KCNAB1: variants seen among roughly 807,000 people sequenced by gnomAD.
KCNAB1 encodes the protein potassium voltage-gated channel subfamily A regulatory beta subunit 1.
Under a neutral mutation model 64.6 loss-of-function variants are expected in KCNAB1, and 35 were observed. That is an observed-to-expected ratio of 0.54 (90% CI 0.41 to 0.72). KCNAB1 has a LOEUF of 0.72. Among genes scored for constraint, KCNAB1 ranks in the 30% least tolerant of loss-of-function variants. The pLI, the probability that KCNAB1 is intolerant of heterozygous loss-of-function variation, is 0.00. For synonymous variants in KCNAB1, 177 were observed against 183.8 expected (o/e 0.96, Z 0.30); for missense variants, 401 against 512.9 (o/e 0.78, Z 2.11).
chr3:156,182,404 C>T (rs1199684153), intron 1 of KCNAB1, among the ~76,000 whole-genome samples: 1 of 152,200 alleles, frequency 6.6e-6, no homozygotes, highest in Non-Finnish European at 1.5e-5. Context: ...TGGGGCTTTA[C>T]ATGCATATGT....
chr3:156,252,990 A>G (rs2108467532), intron 1 of KCNAB1, among the ~76,000 whole-genome samples: 1 of 152,360 alleles, frequency 6.6e-6, no homozygotes, highest in African/African-American at 2.4e-5. Context: ...AATTAGGCTT[A>G]GAGAAAAGAT....
chr3:156,449,715 C>T (rs998350887), intron 2 of KCNAB1, among the ~76,000 whole-genome samples: 1 of 152,182 alleles, frequency 6.6e-6, no homozygotes, highest in African/African-American at 2.4e-5. Context: ...ATGGTATCTT[C>T]ATTTCTGGAA....
intron 12 of KCNAB1, 73 bp from the exon 13 acceptor site, chr3:156,531,336 G>T (rs1718687762): frequency 1.8e-6 from 2 of 1,108,580 alleles, no homozygotes; most frequent in East Asian, 2.3e-5. Context: ...ACAAACAGCT[G>T]TAGCAGGTGT....
chr3:156,119,438 C>T (rs1398747201), upstream of KCNAB1, among the ~76,000 whole-genome samples: 1 of 152,198 alleles, frequency 6.6e-6, no homozygotes, highest in Non-Finnish European at 1.5e-5. Flanking sequence ...CTGCACTTTC[C>T]TATCTCTTTA....
chr3:156,246,987 A>G (rs906345473), intron 1 of KCNAB1, among the ~76,000 whole-genome samples: 4 of 152,240 alleles, frequency 2.6e-5, no homozygotes, highest in Non-Finnish European at 5.9e-5. Flanking sequence ...TCAGTTATCT[A>G]TCAATGCATA....
At chr3:156,210,361 A>G (rs1465870114) in intron 1 of KCNAB1, among the ~76,000 whole-genome samples, 2 of 152,276 alleles carry the variant, frequency 1.3e-5, no homozygotes, top group East Asian at 1.9e-4. Flanking sequence ...TTTTCACACT[A>G]TCCTGGGTTA....
At chr3:156,125,136 CA>C (rs563938669) in intron 1 of KCNAB1, among the ~76,000 whole-genome samples, 445 of 131,958 alleles carry the variant, frequency 3.4e-3, no homozygotes, top group South Asian at 0.019. Context: ...ACACTCCACT[CA>C]AAAAAAAAAA....
rs575166657 is a variant in KCNAB1 at position 156,482,345 on chromosome 3, G to T, written c.658+7525G>T. On this transcript the variant is annotated intron_variant, in intron 8 of 13. Transcript: ENST00000490337. ...ACTTACTATTTAAGCACTGTTTTGG[G>T]CACTTGGAGAAGCAGAAGTTAATAA... Among the ~76,000 whole-genome samples the T allele has an allele frequency of 6.6e-5, 10 of 152,002 alleles. No homozygotes were observed. The East Asian group carries it at 1.9e-3, about 29-fold the overall frequency.
chr3:156,283,747 G>A (rs1719895583), intron 1 of KCNAB1, among the ~76,000 whole-genome samples: 1 of 151,864 alleles, frequency 6.6e-6, no homozygotes, highest in Non-Finnish European at 1.5e-5. Flanking sequence ...CTTTCTTCCA[G>A]TTGATCGCAT....
intron 1 of KCNAB1, among the ~76,000 whole-genome samples, chr3:156,225,759 C>T (rs969314227): frequency 1.3e-5 from 2 of 152,154 alleles, no homozygotes; most frequent in Non-Finnish European, 2.9e-5. Flanking sequence ...AAATCAGTAG[C>T]TCTGCTGTAT....
chr3:156,494,675 C>T (rs1438455853), intron 8 of KCNAB1, among the ~76,000 whole-genome samples: 1 of 152,082 alleles, frequency 6.6e-6, no homozygotes, highest in African/African-American at 2.4e-5. Context: ...CAGAGGAGTG[C>T]CTTGTAGTCA....
At chr3:156,481,854 A>G (rs954454436) in intron 8 of KCNAB1, among the ~76,000 whole-genome samples, 2 of 152,168 alleles carry the variant, frequency 1.3e-5, no homozygotes, top group Admixed American at 6.6e-5. Context: ...CACCATCTGA[A>G]TGAGTTAACA....
chr3:156,412,056 T>G (rs1481953582), intron 1 of KCNAB1, among the ~76,000 whole-genome samples: 1 of 152,300 alleles, frequency 6.6e-6, no homozygotes, highest in East Asian at 1.9e-4. Context: ...CATTTCATTC[T>G]TCAGTGTTTT....
intron 1 of KCNAB1, among the ~76,000 whole-genome samples, chr3:156,206,382 A>AT (rs1714663393): frequency 6.6e-6 from 1 of 152,162 alleles, no homozygotes; most frequent in South Asian, 2.1e-4. Context: ...CACAGACATC[A>AT]CTTCTCTTCT....
chr3:156,243,854 G>A (rs1022881571), intron 1 of KCNAB1, among the ~76,000 whole-genome samples: 6 of 152,198 alleles, frequency 3.9e-5, no homozygotes, highest in African/African-American at 1.4e-4. Flanking sequence ...TAGATGCAGA[G>A]ATGCCTAGTA....
chr3:156,132,157 C>T (rs1456290023), intron 1 of KCNAB1, among the ~76,000 whole-genome samples: 1 of 152,210 alleles, frequency 6.6e-6, no homozygotes, highest in African/African-American at 2.4e-5. Context: ...TTTTCCATAA[C>T]ATGGAGAGAC....
intron 1 of KCNAB1, among the ~76,000 whole-genome samples, chr3:156,298,567 A>G (rs891434499): frequency 3.9e-5 from 6 of 152,234 alleles, no homozygotes; most frequent in African/African-American, 1.4e-4. Flanking sequence ...TTTCACTTTG[A>G]TTTTTAAAAT....
At chr3:156,429,633 G>A (rs1373886798) in intron 2 of KCNAB1, among the ~76,000 whole-genome samples, 1 of 152,132 alleles carries the variant, frequency 6.6e-6, no homozygotes, top group Non-Finnish European at 1.5e-5. Context: ...AGGAGAACAC[G>A]ACATTAAATA....
At chr3:156,296,785 A>G (rs1056630857) in intron 1 of KCNAB1, among the ~76,000 whole-genome samples, 29 of 152,070 alleles carry the variant, frequency 1.9e-4, no homozygotes, top group African/African-American at 6.5e-4. Flanking sequence ...CTTTTTCCCC[A>G]TTTTTAAAGT....
Sources: allele counts gnomAD v4.1 joint callset (sites outside exome capture counted in the v4.1 genomes callset), GRCh38; gene constraint gnomAD v4.1.1; transcripts MANE v1.5; gene names NCBI Gene and HGNC (gene_info 2026-07-23, HGNC 2026-07-21).